The following TRIM29 variants were observed in gnomAD, a reference collection of about 807,000 sequenced individuals.
The protein encoded by TRIM29 is tripartite motif-containing protein 29.
Under a neutral mutation model 57.3 loss-of-function variants are expected in TRIM29, and 52 were observed. The ratio of observed to expected loss-of-function variants is 0.91; its 90% CI spans 0.73 to 1.14. The LOEUF (loss-of-function observed/expected upper bound fraction) is 1.14, where lower values mean the gene tolerates loss of function less well. TRIM29 is among the 50% of genes most tolerant of loss of function. TRIM29 has a pLI of 0.00. For synonymous variants in TRIM29, 319 were observed against 316.9 expected (o/e 1.01, Z -0.07); for missense variants, 753 against 774.6 (o/e 0.97, Z 0.33).
intron 1 of TRIM29, among the ~76,000 whole-genome samples, chr11:120,130,528 G>A (rs957339137): frequency 1.3e-5 from 2 of 152,186 alleles, no homozygotes; most frequent in Non-Finnish European, 2.9e-5. Flanking sequence ...GGCTCCCCAG[G>A]AGCACAGGAC....
At chr11:120,114,005 GA>G (rs1863202893) in intron 8 of TRIM29, among the ~76,000 whole-genome samples, 1 of 152,088 alleles carries the variant, frequency 6.6e-6, no homozygotes, top group African/African-American at 2.4e-5. Flanking sequence ...TTATGGATGG[GA>G]AAACTGAGGC....
chr11:120,118,253 C>G lies in TRIM29; in HGVS notation c.1597G>C (p.Val533Leu). The G allele has an allele frequency of 6.2e-7, 1 of 1,614,006 alleles. No individual in the cohort carries two copies. The highest frequency in any genetic ancestry group is 1.1e-5 in the South Asian group (1 of 91,062). Residue 533 changes from valine (V) to leucine (L), a missense_variant, in exon 7 of 9, where the codon GTC becomes CTC. Physicochemically the swap from Val to Leu is conservative, Grantham distance 32. Coordinates refer to ENST00000341846, the MANE Select transcript of TRIM29 (RefSeq NM_012101.4). ...IQNSDNDLPV[V>L]QGSSSFSLKG... ...AGGGAGAAGGAGGAGCTGCCTTGGA[C>G]GACGGGCAGGTCATTGTCAGAGTTC...
At chr11:120,136,968 C>A (rs985212694) in intron 1 of TRIM29, among the ~76,000 whole-genome samples, 1 of 152,282 alleles carries the variant, frequency 6.6e-6, no homozygotes, top group South Asian at 2.1e-4. Flanking sequence ...GGCCCTCAAC[C>A]TTTTCTGAGT....
chr11:120,113,580 C>A, intron 8 of TRIM29: 1 of 455,526 alleles, frequency 2.2e-6, no homozygotes, highest in Admixed American at 2.4e-5. Flanking sequence ...AGGGAACTGA[C>A]ACCTCCTGGT....
chr11:120,127,662 G>T, intron 2 of TRIM29, 93 bp from the exon 3 acceptor site: 1 of 1,178,592 alleles, frequency 8.5e-7, no homozygotes. Flanking sequence ...TTCCAGCACA[G>T]GATCAGGGCA....
chr11:120,122,538 C>T (rs369972688), intron 5 of TRIM29, among the ~76,000 whole-genome samples: 38 of 152,114 alleles, frequency 2.5e-4, no homozygotes, highest in Non-Finnish European at 4.1e-4. Flanking sequence ...GTCCTGGGGT[C>T]GGCAGCCATC....
chr11:120,133,237 C>T (rs1219187139), intron 1 of TRIM29, among the ~76,000 whole-genome samples: 2 of 152,234 alleles, frequency 1.3e-5, no homozygotes, highest in Non-Finnish European at 2.9e-5. Context: ...TTGGGAGCCA[C>T]TGGACTCGGT....
chr11:120,135,132 C>T lies in TRIM29; in HGVS notation c.804+2096G>A, dbSNP rs150126453. Among the ~76,000 whole-genome samples, 130 of 152,298 alleles carry T rather than the reference C, an allele frequency of 8.5e-4. 3 individuals carry two copies. In the East Asian group the frequency reaches 0.023, roughly 27 times the overall value. On this transcript the variant is annotated intron_variant, in intron 1 of 8. Transcript: ENST00000341846. ...GGGCTGCCCAAGACCCTCCTGCCCACCAGAACCACATCTTCCAGGGGTGCC... is the reference window on the plus strand; with the variant it reads ...GGGCTGCCCAAGACCCTCCTGCCCATCAGAACCACATCTTCCAGGGGTGCC...
At chr11:120,120,865 CCGTGCAGAGAG>C (rs1863426782) in intron 5 of TRIM29, 200 bp from the exon 6 acceptor site, 2 of 675,750 alleles carry the variant, frequency 3.0e-6, no homozygotes, top group Non-Finnish European at 5.4e-6. Context: ...CTGTTAGTAA[CCGTGCAGAGAG>C]CATCAGCATA....
intron 6 of TRIM29, among the ~76,000 whole-genome samples, chr11:120,119,685 T>G (rs577700906): frequency 6.6e-6 from 1 of 152,266 alleles, no homozygotes; most frequent in East Asian, 1.9e-4. Flanking sequence ...CAATTCTGGA[T>G]GTAGAGGCCC....
At chr11:120,115,090 C>T (rs1445481998) in intron 8 of TRIM29, among the ~76,000 whole-genome samples, 1 of 152,206 alleles carries the variant, frequency 6.6e-6, no homozygotes, top group Non-Finnish European at 1.5e-5. Context: ...ATCAAGGCTG[C>T]CCATTTTATA....
At chr11:120,115,438 C>T (rs199858054) in intron 7 of TRIM29, 24 bp from the exon 8 acceptor site, 334 of 1,608,918 alleles carry the variant, frequency 2.1e-4, no homozygotes, top group Non-Finnish European at 2.4e-4. Flanking sequence ...AGATTCAGGT[C>T]AAAGGGAGCA....
chr11:120,118,214 C>T lies in TRIM29; in HGVS notation c.1627+9G>A, dbSNP rs370338240. On this transcript the variant is annotated intron_variant, in intron 7 of 8. Coordinates refer to ENST00000341846, the MANE Select transcript of TRIM29 (RefSeq NM_012101.4). ...GGAGGAAAGCAGGGGCCAGGGTGGG[C>T]AAGCTCACCTTTCAGGGAGAAGGAG... is the stretch of plus-strand genomic sequence containing the variant. The T allele has an allele frequency of 3.8e-5, 61 of 1,613,414 alleles. No individual in the cohort carries two copies. The African/African-American group carries it at 7.1e-4, about 19-fold the overall frequency.
intron 6 of TRIM29, among the ~76,000 whole-genome samples, chr11:120,119,640 T>C (rs1208886872): frequency 6.6e-6 from 1 of 152,206 alleles, no homozygotes; most frequent in Non-Finnish European, 1.5e-5. Context: ...ACTGCATATG[T>C]GGAGGAGGGG....
intron 1 of TRIM29, chr11:120,129,022 A>T: frequency 1.2e-6 from 1 of 855,080 alleles, no homozygotes; most frequent in Non-Finnish European, 1.6e-6. Flanking sequence ...CACAGCTATA[A>T]AACCTGTTTA....
intron 7 of TRIM29, 172 bp downstream of exon 7, chr11:120,118,051 C>A: frequency 1.6e-6 from 1 of 642,544 alleles, no homozygotes; most frequent in Non-Finnish European, 2.7e-6. Context: ...GCCCCCACCC[C>A]TGCCCTCATT....
At chr11:120,130,359 C>T (rs1591329760) in intron 1 of TRIM29, among the ~76,000 whole-genome samples, 1 of 152,212 alleles carries the variant, frequency 6.6e-6, no homozygotes, top group Non-Finnish European at 1.5e-5. Flanking sequence ...TTCCTCACCC[C>T]ACCTTACCAC....
chr11:120,129,330 T>G (rs1339432189), intron 1 of TRIM29, among the ~76,000 whole-genome samples: 13 of 152,078 alleles, frequency 8.5e-5, no homozygotes, highest in Admixed American at 7.9e-4. Context: ...CTAAGGCCAA[T>G]CCCATCCAGC....
At chr11:120,125,919 C>A (rs1863580129) in intron 3 of TRIM29, 30 bp from the exon 4 acceptor site, 2 of 1,602,992 alleles carry the variant, frequency 1.2e-6, no homozygotes, top group Non-Finnish European at 1.7e-6. Context: ...CCATTAACTG[C>A]CTGGGTCTTC....
Sources: allele counts gnomAD v4.1 joint callset (sites outside exome capture counted in the v4.1 genomes callset), GRCh38; gene constraint gnomAD v4.1.1; transcripts MANE v1.5; gene names NCBI Gene and HGNC (gene_info 2026-07-23, HGNC 2026-07-21).